DOCK3: variants seen among roughly 807,000 people sequenced by gnomAD.
The protein encoded by DOCK3 is dedicator of cytokinesis protein 3.
Under a neutral mutation model 265.6 loss-of-function variants are expected in DOCK3, and 60 were observed. The observed-to-expected ratio is 0.23, with a 90% CI of 0.18 to 0.28. The LOEUF (loss-of-function observed/expected upper bound fraction) is 0.28. Ranked by LOEUF, DOCK3 falls within the 10% of genes least tolerant of loss-of-function variation. DOCK3 has a pLI of 1.00. For synonymous variants in DOCK3, 881 were observed against 938.0 expected (o/e 0.94, Z 1.11); for missense variants, 1,981 against 2,594.3 (o/e 0.76, Z 5.14).
At chr3:51,327,868 G>C (rs1374758759) in intron 32 of DOCK3, among the ~76,000 whole-genome samples, 1 of 152,004 alleles carries the variant, frequency 6.6e-6, no homozygotes. Flanking sequence ...TTTTAGTAGA[G>C]ATGGAGTTTC....
intron 4 of DOCK3, among the ~76,000 whole-genome samples, chr3:50,918,532 G>T (rs1219907717): frequency 6.6e-6 from 1 of 152,046 alleles, no homozygotes; most frequent in Non-Finnish European, 1.5e-5. Flanking sequence ...CTTTTTTCAT[G>T]TGTCTGTTGA....
chr3:50,864,015 G>GT (rs1559740032), intron 3 of DOCK3, among the ~76,000 whole-genome samples: 1 of 152,128 alleles, frequency 6.6e-6, no homozygotes, highest in South Asian at 2.1e-4. Context: ...TCCTTTTTTA[G>GT]TTTTTTGAGG....
chr3:51,325,917 TG>T (rs1445341418), intron 32 of DOCK3, among the ~76,000 whole-genome samples: 1 of 151,872 alleles, frequency 6.6e-6, no homozygotes, highest in Non-Finnish European at 1.5e-5. Flanking sequence ...TGTCAGGGGA[TG>T]GGGGGCTAGG....
intron 3 of DOCK3, among the ~76,000 whole-genome samples, chr3:50,867,422 T>C (rs1017610132): frequency 6.6e-6 from 1 of 152,178 alleles, no homozygotes; most frequent in Non-Finnish European, 1.5e-5. Flanking sequence ...TTTTTTCTGT[T>C]GTCTGATTGC....
chr3:50,828,397 CCTTTT>C (rs796163394), intron 2 of DOCK3, among the ~76,000 whole-genome samples: 4 of 151,988 alleles, frequency 2.6e-5, no homozygotes, highest in East Asian at 3.9e-4. Context: ...CATTTTTTAC[CCTTTT>C]CTTTTCTTTT....
chr3:51,180,435 C>G (rs144811767), intron 12 of DOCK3, among the ~76,000 whole-genome samples: 1 of 152,178 alleles, frequency 6.6e-6, no homozygotes, highest in Non-Finnish European at 1.5e-5. Flanking sequence ...CAACTGCACT[C>G]GCTCTGGAGG....
At chr3:51,157,021 T>C (rs1014890221) in intron 10 of DOCK3, among the ~76,000 whole-genome samples, 1 of 152,220 alleles carries the variant, frequency 6.6e-6, no homozygotes, top group Non-Finnish European at 1.5e-5. Context: ...TATCAAAATA[T>C]AGCACTATTT....
chr3:50,680,008 G>C (rs1489224255), intron 1 of DOCK3, among the ~76,000 whole-genome samples: 1 of 152,170 alleles, frequency 6.6e-6, no homozygotes, highest in Non-Finnish European at 1.5e-5. Context: ...ACTTTAGATA[G>C]TAAGTGCTGA....
chr3:51,113,215 T>C (rs1210638757), intron 9 of DOCK3, among the ~76,000 whole-genome samples: 1 of 152,132 alleles, frequency 6.6e-6, no homozygotes, highest in African/African-American at 2.4e-5. Context: ...AGGTAAATTC[T>C]TCAAAGAAAA....
chr3:50,785,317 C>T (rs2042126536), intron 2 of DOCK3, among the ~76,000 whole-genome samples: 1 of 152,084 alleles, frequency 6.6e-6, no homozygotes, highest in South Asian at 2.1e-4. Context: ...ATTTCTTTCT[C>T]TTGTCTGATT....
At chr3:51,174,454 G>C (rs991368744) in intron 12 of DOCK3, among the ~76,000 whole-genome samples, 1 of 152,112 alleles carries the variant, frequency 6.6e-6, no homozygotes, top group Admixed American at 6.5e-5. Context: ...GGGCCACAGA[G>C]CAAGACTCTT....
At chr3:51,192,992 C>T (rs1049292467) in intron 12 of DOCK3, among the ~76,000 whole-genome samples, 2 of 152,074 alleles carry the variant, frequency 1.3e-5, no homozygotes, top group Non-Finnish European at 1.5e-5. Context: ...TTGTCTTGTT[C>T]CAGTTCTTAG....
intron 32 of DOCK3, among the ~76,000 whole-genome samples, chr3:51,315,456 A>C (rs1436738906): frequency 2.0e-5 from 3 of 152,128 alleles, no homozygotes; most frequent in Non-Finnish European, 4.4e-5. Flanking sequence ...GAGGATTTTC[A>C]CTGTATAATC....
intron 1 of DOCK3, among the ~76,000 whole-genome samples, chr3:50,738,057 A>C (rs2038760786): frequency 6.6e-6 from 1 of 152,096 alleles, no homozygotes; most frequent in Non-Finnish European, 1.5e-5. Flanking sequence ...CAAGCCCTTT[A>C]CAGTCATTCT....
chr3:51,033,749 T>G (rs929878426), intron 5 of DOCK3, among the ~76,000 whole-genome samples: 6 of 152,164 alleles, frequency 3.9e-5, no homozygotes, highest in African/African-American at 1.4e-4. Flanking sequence ...CAAGATTAAT[T>G]TTTTCCTCAC....
intron 23 of DOCK3, among the ~76,000 whole-genome samples, chr3:51,267,260 T>C (rs9857598): frequency 0.82 from 124,869 of 152,012 alleles, 51,875 homozygotes; most frequent in Middle Eastern, 0.9. Context: ...GACAGTGTGG[T>C]GATTCCTCAA....
intron 4 of DOCK3, among the ~76,000 whole-genome samples, chr3:50,913,486 T>G (rs2049966706): frequency 6.6e-6 from 1 of 152,012 alleles, no homozygotes; most frequent in Non-Finnish European, 1.5e-5. Context: ...CACGCACCTC[T>G]CCAGTCCACT....
chr3:51,181,452 AC>A (rs1340794350), intron 12 of DOCK3, among the ~76,000 whole-genome samples: 1 of 151,910 alleles, frequency 6.6e-6, no homozygotes, highest in Non-Finnish European at 1.5e-5. Flanking sequence ...CCATGTCCCT[AC>A]AAAGGACATG....
intron 27 of DOCK3, among the ~76,000 whole-genome samples, chr3:51,283,785 C>A (rs2081266836): frequency 6.6e-6 from 1 of 151,714 alleles, no homozygotes; most frequent in Non-Finnish European, 1.5e-5. Context: ...CCTCCCCGTT[C>A]TGGGAACAAA....
Sources: allele counts gnomAD v4.1 joint callset (sites outside exome capture counted in the v4.1 genomes callset), GRCh38; gene constraint gnomAD v4.1.1; transcripts MANE v1.5; gene names NCBI Gene and HGNC (gene_info 2026-07-23, HGNC 2026-07-21).